The following GABRA3 variants were observed in gnomAD, a reference collection of about 807,000 sequenced individuals.
The protein encoded by GABRA3 is gamma-aminobutyric acid receptor subunit alpha-3.
A neutral mutation model predicts 30.1 loss-of-function variants in GABRA3; 10 were observed. The observed-to-expected ratio is 0.33, with a 90% CI of 0.20 to 0.56. The LOEUF is 0.56. GABRA3 is among the 20% of genes least tolerant of loss of function. GABRA3 has a pLI of 0.89. For missense variants in GABRA3, 233 were observed against 392.0 expected, an observed-to-expected ratio of 0.59 and a Z score of 3.42; for synonymous variants, 151 against 146.8, an observed-to-expected ratio of 1.03 and a Z score of -0.21.
At chrX:152,275,819 T>G (rs958466739) in intron 4 of GABRA3, among the ~76,000 whole-genome samples, 9 of 109,299 alleles carry the variant, frequency 8.2e-5, no homozygotes, top group Admixed American at 4.0e-4. Context: ...TATATATATT[T>G]ATAGGATAGA....
intron 5 of GABRA3, among the ~76,000 whole-genome samples, chrX:152,230,559 C>A (rs1938048563): frequency 9.0e-6 from 1 of 110,733 alleles, no homozygotes; most frequent in African/African-American, 3.3e-5. Flanking sequence ...CTTACACTTT[C>A]CAGTTTTAAA....
At position 152,326,327 on chromosome X, in the gene GABRA3, A is replaced by G. The variant is rs1940057648; in HGVS notation, c.262+19254T>C. Among the ~76,000 whole-genome samples, 3 of 111,846 alleles carry G rather than the reference A, an allele frequency of 2.7e-5. No homozygotes were observed. The South Asian group carries it at 1.1e-3, about 42-fold the overall frequency. ...TTCTCCAACCTAGCAAGGCAGGCCA[A>G]CATTCAAATTCGGGAAATACAGAGA... is the stretch of plus-strand genomic sequence containing the variant. On this transcript the variant is annotated intron_variant, in intron 3 of 9. Transcript: ENST00000370314.
intron 3 of GABRA3, among the ~76,000 whole-genome samples, chrX:152,293,171 A>T (rs1390733663): frequency 4.5e-5 from 5 of 110,540 alleles, no homozygotes; most frequent in African/African-American, 1.7e-4. Flanking sequence ...TCCCACTATT[A>T]ATGTGTGAGA....
In GABRA3 at chrX:152,371,163, C is replaced by T. The variant is rs539257854; in HGVS notation, c.-26-6567G>A. ...TGGCCTCTCTTTAAATTTTCTTCAA[C>T]ATACTTCAATGTCCCACGATCCTTT... On this transcript the variant is annotated intron_variant, in intron 1 of 9. Transcript: ENST00000370314. 2.3e-4 allele frequency among the ~76,000 whole-genome samples: 26 copies of T among 111,183 alleles called. No homozygotes were observed. The South Asian group carries it at 9.9e-3, about 42-fold the overall frequency.
intron 6 of GABRA3, among the ~76,000 whole-genome samples, chrX:152,223,375 A>T (rs1937878584): frequency 8.9e-6 from 1 of 111,989 alleles, no homozygotes; most frequent in South Asian, 3.7e-4. Flanking sequence ...ATATCATTTT[A>T]AAAATTCCTA....
intron 1 of GABRA3, among the ~76,000 whole-genome samples, chrX:152,429,466 A>G (rs1469315943): frequency 9.0e-6 from 1 of 111,154 alleles, no homozygotes; most frequent in East Asian, 2.8e-4. Flanking sequence ...AAGGCTCCCT[A>G]CTGCTCTTGA....
intron 1 of GABRA3, among the ~76,000 whole-genome samples, chrX:152,398,066 T>C (rs1929706271): frequency 9.0e-6 from 1 of 111,502 alleles, no homozygotes; most frequent in Admixed American, 9.6e-5. Context: ...GATCAGACCA[T>C]TAGCTTTTAT....
rs913982469 is a variant in GABRA3 at position 152,364,562 on chromosome X, G to T, written c.9C>A (p.Ile3=). The T allele has an allele frequency of 2.5e-6, 3 of 1,203,787 alleles. No individual in the cohort carries two copies. Among genetic ancestry groups the T allele is most frequent in the Admixed American group, 4.4e-5 (2 of 45,305 alleles). Residue 3 remains isoleucine (I), a synonymous_variant, in exon 2 of 10, where the codon ATC becomes ATA. Transcript: ENST00000370314. MI[I]TQTSHCYMTS... ...TCATGTAACAGTGACTTGTTTGTGT[G>T]ATTATCATCTTCTTAGGCACAAACT...
intron 8 of GABRA3, among the ~76,000 whole-genome samples, chrX:152,190,841 T>C (rs761697643): frequency 3.0e-4 from 33 of 108,450 alleles, no homozygotes; most frequent in African/African-American, 1.1e-3. Flanking sequence ...ACATTTTTTC[T>C]AATCTTTTCA....
chrX:152,241,128 T>G (rs1938356046), intron 5 of GABRA3, among the ~76,000 whole-genome samples: 1 of 104,061 alleles, frequency 9.6e-6, no homozygotes, highest in Non-Finnish European at 2.0e-5. Context: ...TCTTTGTGGT[T>G]TTATCTACTT....
At chrX:152,270,889 T>C (rs1007182725) in intron 4 of GABRA3, among the ~76,000 whole-genome samples, 3 of 107,972 alleles carry the variant, frequency 2.8e-5, no homozygotes, top group Admixed American at 2.0e-4. Context: ...TTTGGGAAAC[T>C]TTGGAACTTC....
At chrX:152,442,321 T>A (rs1290118895) in intron 1 of GABRA3, among the ~76,000 whole-genome samples, 1 of 111,012 alleles carries the variant, frequency 9.0e-6, no homozygotes, top group African/African-American at 3.3e-5. Context: ...GAGTAGTATA[T>A]ATGTGGTTAC....
At chrX:152,285,899 A>G (rs1254786004) in intron 3 of GABRA3, among the ~76,000 whole-genome samples, 1 of 107,422 alleles carries the variant, frequency 9.3e-6, no homozygotes, top group African/African-American at 3.4e-5. Context: ...TTAATACTAT[A>G]GTATTAAGTA....
chrX:152,290,597 G>A (rs1005082994), intron 3 of GABRA3, among the ~76,000 whole-genome samples: 1 of 111,970 alleles, frequency 8.9e-6, no homozygotes, highest in Non-Finnish European at 1.9e-5. Context: ...CCATGCCTAT[G>A]TCCTGAATGG....
intron 3 of GABRA3, among the ~76,000 whole-genome samples, chrX:152,334,771 TTCAAGAAAAAATG>T (rs1286715996): frequency 1.8e-5 from 2 of 111,399 alleles, no homozygotes; most frequent in Non-Finnish European, 3.8e-5. Flanking sequence ...AAAAAAATTA[TTCAAGAAAAAATG>T]TATTCAAGAA....
At chrX:152,288,839 A>G (rs763278979) in intron 3 of GABRA3, among the ~76,000 whole-genome samples, 1 of 112,175 alleles carries the variant, frequency 8.9e-6, no homozygotes, top group South Asian at 3.7e-4. Context: ...AATTGTTTAC[A>G]GTTGCTGCTT....
At chrX:152,243,628 T>C (rs1216386916) in intron 5 of GABRA3, among the ~76,000 whole-genome samples, 1 of 111,239 alleles carries the variant, frequency 9.0e-6, no homozygotes, top group Non-Finnish European at 1.9e-5. Flanking sequence ...GCCCTAAGAC[T>C]AGATGATACT....
At chrX:152,174,702 G>C (rs1937050083) in intron 9 of GABRA3, among the ~76,000 whole-genome samples, 2 of 111,802 alleles carry the variant, frequency 1.8e-5, no homozygotes, top group Non-Finnish European at 3.8e-5. Flanking sequence ...CCCTTTGTCA[G>C]ATGAGTAGGT....
At chrX:152,326,660 A>G (rs1297673103) in intron 3 of GABRA3, among the ~76,000 whole-genome samples, 2 of 111,608 alleles carry the variant, frequency 1.8e-5, no homozygotes, top group Non-Finnish European at 3.8e-5. Context: ...ATGCTGAGAG[A>G]TTTTGTCACC....
Sources: gnomAD v4.1 joint callset for allele counts (sites outside exome capture counted in the v4.1 genomes callset) on GRCh38, gnomAD v4.1.1 for gene constraint, MANE v1.5 for transcripts, NCBI Gene and HGNC (gene_info 2026-07-23, HGNC 2026-07-21) for gene names.